MUC22: variants seen among roughly 807,000 people sequenced by gnomAD.
MUC22 encodes the protein mucin-22.
A neutral mutation model predicts 40.3 loss-of-function variants in MUC22; 24 were observed. The observed-to-expected ratio is 0.60, with a 90% CI of 0.43 to 0.84. The LOEUF (loss-of-function observed/expected upper bound fraction) is 0.84, where lower values mean the gene tolerates loss of function less well. Ranked by LOEUF, MUC22 falls within the 40% of genes least tolerant of loss-of-function variation. The pLI, the probability that MUC22 is intolerant of heterozygous loss-of-function variation, is 0.00. For synonymous variants in MUC22, 765 were observed against 844.5 expected (o/e 0.91, Z 1.63); for missense variants, 1,926 against 2,130.7 (o/e 0.90, Z 1.89).
chr6:31,025,452 C>A (rs995165721), intron 1 of MUC22, 50 bp from the exon 2 acceptor site: 8 of 1,446,644 alleles, frequency 5.5e-6, no homozygotes, highest in Non-Finnish European at 3.6e-6. Flanking sequence ...ACTAAACCTG[C>A]AAATTCATCT....
At position 31,026,736 on chromosome 6, in the gene MUC22, A is replaced by G. The variant is rs1448472211; in HGVS notation, c.1305A>G (p.Glu435=). The change falls in exon 2 of 4, where the codon GAA becomes GAG. Residue 435 remains glutamate, a synonymous_variant. Transcript: ENST00000561890. The stretch of plus-strand genomic sequence containing the variant: ...CCACAGTCTTCACTGCAGGCTCGGA[A>G]ACCATCACACCCTCTACTGCAGGCT... The G allele has an allele frequency of 2.7e-6, 4 of 1,478,534 alleles. No individual in the cohort carries two copies. The highest frequency in any genetic ancestry group is 1.6e-5 in the African/African-American group (1 of 63,172). The allele number at this position is 1,478,534 out of a possible 1,614,324, so 91.6% of individuals were successfully genotyped here.
chr6:31,009,500 G>T (rs1763727323), upstream of MUC22, among the ~76,000 whole-genome samples: 1 of 152,150 alleles, frequency 6.6e-6, no homozygotes, highest in Non-Finnish European at 1.5e-5. Context: ...CCAGTATTTT[G>T]ACTTTAATCA....
intron 1 of MUC22, among the ~76,000 whole-genome samples, chr6:31,023,903 G>C (rs1177541261): frequency 6.6e-6 from 1 of 152,076 alleles, no homozygotes; most frequent in Non-Finnish European, 1.5e-5. Flanking sequence ...TAACTACAAA[G>C]GGAGAAAAAC....
In MUC22 at chr6:31,029,521, A is replaced by G. The variant is rs1376328307; in HGVS notation, c.4090A>G (p.Lys1364Glu). 1.0e-5 allele frequency: 15 copies of G among 1,506,102 alleles called. No individual in the cohort carries two copies. In the African/African-American group the frequency reaches 1.1e-4, roughly 11 times the overall value. 93.3% of individuals were successfully genotyped at this position (1,506,102 alleles called of 1,614,324 possible). Reference sequence around the variant, plus strand: ...CACAACAGTCTATATCACAGGCTCTAAGACTACCACCGCCTCTACTGAAGG... The same window carrying G: ...CACAACAGTCTATATCACAGGCTCTGAGACTACCACCGCCTCTACTGAAGG... Residue 1364 changes from lysine to glutamate, a missense_variant, in exon 2 of 4, where the codon AAG (lysine) becomes GAG (glutamate). Coordinates refer to ENST00000561890, the Ensembl canonical transcript of MUC22.
At chr6:31,030,434 G>A (rs1765971610) in intron 2 of MUC22, among the ~76,000 whole-genome samples, 1 of 151,502 alleles carries the variant, frequency 6.6e-6, no homozygotes, top group South Asian at 2.1e-4. Context: ...GGAGAATGAT[G>A]TGAATCCGGG....
In MUC22 at chr6:31,012,473, G is replaced by C. The variant is rs116478359; in HGVS notation, c.70+1697G>C. On this transcript the variant is annotated intron_variant, in intron 1 of 3. Coordinates refer to ENST00000561890, the Ensembl canonical transcript of MUC22. Reference sequence around the variant, plus strand: ...TTTAAACAAGAGTCCCCTTACCTCAGAAGAAACTGTCATTCATGTAGTCAT... The same window carrying C: ...TTTAAACAAGAGTCCCCTTACCTCACAAGAAACTGTCATTCATGTAGTCAT... 7.7e-3 allele frequency among the ~76,000 whole-genome samples: 1,166 copies of C among 152,272 alleles called. 13 individuals are homozygous for C. The highest frequency in any genetic ancestry group is 0.026 in the African/African-American group (1,083 of 41,542).
exon 2 of MUC22, chr6:31,025,778 A>T: frequency 4.6e-6 from 7 of 1,532,208 alleles, no homozygotes; most frequent in Non-Finnish European, 6.1e-6. Flanking sequence ...ACAGGCTCTG[A>T]CACAACCACA....
chr6:31,022,712 A>G (rs927320062), intron 1 of MUC22, among the ~76,000 whole-genome samples: 5 of 152,246 alleles, frequency 3.3e-5, no homozygotes, highest in African/African-American at 4.8e-5. Flanking sequence ...ATGCCTTTAC[A>G]GGAAGAGGAA....
chr6:31,010,626 C>T, exon 1 of MUC22: 5 of 696,406 alleles, frequency 7.2e-6, no homozygotes, highest in Non-Finnish European at 1.3e-5. Flanking sequence ...GGGTTTGCCC[C>T]TTGTCTCTCT....
At chr6:31,021,149 G>A (rs6929355) in intron 1 of MUC22, among the ~76,000 whole-genome samples, 10,654 of 152,340 alleles carry the variant, frequency 0.07, 565 homozygotes, top group African/African-American at 0.13. Flanking sequence ...CTGCGGCCCC[G>A]GGGCGGGATC....
intron 1 of MUC22, among the ~76,000 whole-genome samples, chr6:31,013,427 C>G (rs959170656): frequency 2.0e-5 from 3 of 152,052 alleles, no homozygotes; most frequent in African/African-American, 7.2e-5. Flanking sequence ...GGGCCTGGCC[C>G]CTCACCCCCA....
chr6:31,031,226 C>A (rs1185627456), intron 2 of MUC22, among the ~76,000 whole-genome samples: 1 of 152,208 alleles, frequency 6.6e-6, no homozygotes, highest in Non-Finnish European at 1.5e-5. Flanking sequence ...GTGCTCACAC[C>A]TGTCTGAGCC....
exon 4 of MUC22, chr6:31,034,880 A>C: frequency 6.5e-7 from 1 of 1,535,590 alleles, no homozygotes. Flanking sequence ...AGCCACATCC[A>C]TGGAGATGGC....
chr6:31,018,484 T>TG (rs1764425903), intron 1 of MUC22, among the ~76,000 whole-genome samples: 1 of 152,154 alleles, frequency 6.6e-6, no homozygotes, highest in Non-Finnish European at 1.5e-5. Flanking sequence ...TCTGTTGTGT[T>TG]GGAGAGTTAC....
At chr6:31,020,018 G>A (rs1348381934) in intron 1 of MUC22, among the ~76,000 whole-genome samples, 1 of 151,986 alleles carries the variant, frequency 6.6e-6, no homozygotes, top group Non-Finnish European at 1.5e-5. Context: ...TATTATTGAA[G>A]TTCCAGAAAA....
chr6:31,028,774 A>G, exon 2 of MUC22: 1 of 1,533,474 alleles, frequency 6.5e-7, no homozygotes, highest in South Asian at 1.2e-5. Context: ...AGGCTCTGAG[A>G]CCACCACAGC....
intron 1 of MUC22, among the ~76,000 whole-genome samples, chr6:31,023,494 G>A (rs773916023): frequency 4.6e-5 from 7 of 152,158 alleles, no homozygotes; most frequent in East Asian, 3.8e-4. Flanking sequence ...GCAGTCAGCC[G>A]TGATTGTGCC....
At chr6:31,034,204 T>G (rs1237063439) in intron 3 of MUC22, among the ~76,000 whole-genome samples, 1 of 152,194 alleles carries the variant, frequency 6.6e-6, no homozygotes, top group Non-Finnish European at 1.5e-5. Flanking sequence ...CTCAGGTTAG[T>G]TGGATTCTGG....
intron 1 of MUC22, among the ~76,000 whole-genome samples, chr6:31,020,535 C>G (rs1764604694): frequency 6.6e-6 from 1 of 150,944 alleles, no homozygotes; most frequent in Non-Finnish European, 1.5e-5. Context: ...ACCTCTGCCT[C>G]CCGGTGAGAG....
Sources: gnomAD v4.1 joint callset for allele counts (sites outside exome capture counted in the v4.1 genomes callset) on GRCh38, gnomAD v4.1.1 for gene constraint, MANE v1.5 for transcripts, NCBI Gene and HGNC (gene_info 2026-07-23, HGNC 2026-07-21) for gene names.